The following PCSK2 variants were observed in gnomAD, a reference collection of about 807,000 sequenced individuals.
The protein encoded by PCSK2 is proprotein convertase subtilisin/kexin type 2.
A neutral mutation model predicts 69.7 loss-of-function variants in PCSK2; 14 were observed. The observed-to-expected ratio is 0.20, with a 90% CI of 0.13 to 0.31. The LOEUF (loss-of-function observed/expected upper bound fraction) is 0.31. Ranked by LOEUF, PCSK2 falls within the 10% of genes least tolerant of loss-of-function variation. The pLI is 1.00. For synonymous variants in PCSK2, 307 were observed against 320.7 expected, an observed-to-expected ratio of 0.96 and a Z score of 0.46; for missense variants, 544 against 842.5, an observed-to-expected ratio of 0.65 and a Z score of 4.39.
chr20:17,408,295 A>G (rs2031796271), intron 5 of PCSK2, among the ~76,000 whole-genome samples: 1 of 152,104 alleles, frequency 6.6e-6, no homozygotes, highest in Admixed American at 6.6e-5. Context: ...CAAGCAGAGA[A>G]GGGAATGGGG....
At chr20:17,363,949 G>A (rs973916265) in intron 4 of PCSK2, among the ~76,000 whole-genome samples, 8 of 152,136 alleles carry the variant, frequency 5.3e-5, no homozygotes, top group Non-Finnish European at 1.2e-4. Flanking sequence ...CTTGGTACTT[G>A]AAACCTAATC....
At chr20:17,252,134 C>G (rs1281358018) in intron 1 of PCSK2, among the ~76,000 whole-genome samples, 1 of 152,072 alleles carries the variant, frequency 6.6e-6, no homozygotes, top group Non-Finnish European at 1.5e-5. Flanking sequence ...ATCACTTCCA[C>G]CATACTCGTA....
At chr20:17,389,007 AG>A (rs1259475539) in intron 5 of PCSK2, among the ~76,000 whole-genome samples, 4 of 152,204 alleles carry the variant, frequency 2.6e-5, no homozygotes, top group African/African-American at 9.6e-5. Context: ...TGTCTTTAAT[AG>A]ATAATGAGAA....
chr20:17,226,193 T>C (rs1443450875), upstream of PCSK2: 2 of 152,070 alleles, frequency 1.3e-5, no homozygotes, highest in Non-Finnish European at 2.9e-5. Flanking sequence ...GCCGCGTCTC[T>C]CCTGAAGGCA....
chr20:17,341,202 C>T (rs6044746), intron 2 of PCSK2, among the ~76,000 whole-genome samples: 140,210 of 152,276 alleles, frequency 0.92, 64,644 homozygotes, highest in Middle Eastern at 0.96. Context: ...ACCGCACCAC[C>T]GTACTCCAGC....
At chr20:17,318,456 A>G (rs949042220) in intron 2 of PCSK2, among the ~76,000 whole-genome samples, 10 of 152,236 alleles carry the variant, frequency 6.6e-5, no homozygotes, top group Non-Finnish European at 1.5e-5. Context: ...CATTTCATAT[A>G]GATGAAAAAC....
At chr20:17,310,685 C>A (rs1989476548) in intron 2 of PCSK2, among the ~76,000 whole-genome samples, 1 of 150,212 alleles carries the variant, frequency 6.7e-6, no homozygotes, top group African/African-American at 2.5e-5. Flanking sequence ...TAGCATCCTG[C>A]ACCAAGTAGG....
intron 7 of PCSK2, among the ~76,000 whole-genome samples, chr20:17,430,444 C>T (rs148325378): frequency 6.6e-6 from 1 of 152,266 alleles, no homozygotes; most frequent in East Asian, 1.9e-4. Context: ...GAACCATAAA[C>T]CTACTTTCTG....
At chr20:17,405,904 T>C (rs1261695183) in intron 5 of PCSK2, among the ~76,000 whole-genome samples, 3 of 152,188 alleles carry the variant, frequency 2.0e-5, no homozygotes, top group African/African-American at 7.2e-5. Context: ...TCACTTTCGG[T>C]GTGATGGTAC....
intron 2 of PCSK2, among the ~76,000 whole-genome samples, chr20:17,292,966 AG>A (rs1470204770): frequency 6.6e-6 from 1 of 152,046 alleles, no homozygotes; most frequent in Non-Finnish European, 1.5e-5. Flanking sequence ...CTGGGACTAC[AG>A]GCACGCAGCA....
At chr20:17,253,040 C>T (rs1045536650) in intron 1 of PCSK2, among the ~76,000 whole-genome samples, 1 of 152,052 alleles carries the variant, frequency 6.6e-6, no homozygotes, top group Non-Finnish European at 1.5e-5. Flanking sequence ...GAATATACAA[C>T]CTTATAGGGA....
chr20:17,362,402 G>A (rs73098548), intron 4 of PCSK2, among the ~76,000 whole-genome samples: 3 of 152,088 alleles, frequency 2.0e-5, no homozygotes, highest in Non-Finnish European at 2.9e-5. Context: ...TATCTCTCAC[G>A]GTTCTGTGGG....
intron 11 of PCSK2, among the ~76,000 whole-genome samples, 196 bp from the exon 12 acceptor site, chr20:17,481,388 C>CAAAAAAAAAAAAAA (rs3076146): frequency 3.0e-5 from 2 of 65,722 alleles, no homozygotes; most frequent in African/African-American, 1.5e-4. Flanking sequence ...TCTCAAAAGA[C>CAAAAAAAAAAAAAA]AAAAAAAAAA....
rs779399494 is a variant in PCSK2, at chr20:17,481,596, C to T, written c.1443C>T (p.Ser481=). The T allele has an allele frequency of 2.5e-6, 4 of 1,613,736 alleles. No individual in the cohort carries two copies. Among genetic ancestry groups the T allele is most frequent in the Admixed American group, 3.3e-5 (2 of 60,002 alleles). Residue 481 remains serine (S), a synonymous_variant, in exon 12 of 12, where the codon TCC becomes TCT. Transcript: ENST00000262545. The stretch of plus-strand genomic sequence containing the variant: ...ACTCTGCCCTCAGGAAAATACCATC[C>T]ACTGGCAAGTTGGTGCTGACACTCA... ...GSVQDPEKIP[S]TGKLVLTLTT...
chr20:17,228,829 G>T (rs957880216), intron 1 of PCSK2, among the ~76,000 whole-genome samples: 97 of 152,194 alleles, frequency 6.4e-4, no homozygotes, highest in African/African-American at 2.2e-3. Context: ...GTTTGACAGA[G>T]GTCTGGGAAG....
At chr20:17,361,553 A>G (rs916524446) in intron 4 of PCSK2, among the ~76,000 whole-genome samples, 2 of 152,216 alleles carry the variant, frequency 1.3e-5, no homozygotes, top group Admixed American at 6.5e-5. Flanking sequence ...AATTATATAC[A>G]AAGGCTACAC....
At position 17,325,108 on chromosome 20, in the gene PCSK2, A is replaced by C. The variant is rs371625500; in HGVS notation, c.283-33219A>C. On this transcript the variant is annotated intron_variant, in intron 2 of 11. Transcript: ENST00000262545. ...GATCCCCCACAAATGCATGCACAAC[A>C]GCTTTCCTTTGAGAAATTCATCTCC... 7.9e-5 allele frequency among the ~76,000 whole-genome samples: 12 copies of C among 152,248 alleles called. 1 individual carries two copies. Among genetic ancestry groups the C allele is most frequent in the Admixed American group, 5.2e-4 (8 of 15,298 alleles).
At chr20:17,419,250 C>G (rs6105755) in intron 6 of PCSK2, among the ~76,000 whole-genome samples, 5 of 152,190 alleles carry the variant, frequency 3.3e-5, no homozygotes, top group African/African-American at 9.7e-5. Flanking sequence ...AATAGCTTGC[C>G]TTGTGCTCGA....
intron 11 of PCSK2, 37 bp from the exon 12 acceptor site, chr20:17,481,547 C>G (rs1212103629): frequency 6.3e-7 from 1 of 1,592,788 alleles, no homozygotes; most frequent in Non-Finnish European, 8.6e-7. Flanking sequence ...GTGCACCCAC[C>G]ACTGCTTATC....
Sources: gnomAD v4.1 joint callset for allele counts (sites outside exome capture counted in the v4.1 genomes callset) on GRCh38, gnomAD v4.1.1 for gene constraint, MANE v1.5 for transcripts, NCBI Gene and HGNC (gene_info 2026-07-23, HGNC 2026-07-21) for gene names.